The following KIZ variants were observed in gnomAD, a reference collection of about 807,000 sequenced individuals.
KIZ encodes the protein centrosomal protein kizuna.
A neutral mutation model predicts 79.6 loss-of-function variants in KIZ; 68 were observed. The observed-to-expected ratio is 0.85, with a 90% CI of 0.70 to 1.05. KIZ has a LOEUF of 1.05. Ranked by LOEUF, KIZ falls within the 50% of genes least tolerant of loss-of-function variation. The pLI, the probability that KIZ is intolerant of heterozygous loss-of-function variation, is 0.00. For synonymous variants in KIZ, 280 were observed against 281.8 expected, an observed-to-expected ratio of 0.99 and a Z score of 0.06; for missense variants, 797 against 800.4, an observed-to-expected ratio of 1.00 and a Z score of 0.05.
At chr20:21,179,167 G>A (rs1441763126) in intron 6 of KIZ, among the ~76,000 whole-genome samples, 1 of 149,514 alleles carries the variant, frequency 6.7e-6, no homozygotes, top group Non-Finnish European at 1.5e-5. Context: ...TAAATGTCTG[G>A]TAGAATTCAC....
chr20:21,189,474 C>T (rs2035023875), intron 6 of KIZ, among the ~76,000 whole-genome samples: 1 of 152,162 alleles, frequency 6.6e-6, no homozygotes, highest in African/African-American at 2.4e-5. Flanking sequence ...TGGGTTCTCT[C>T]TTTAAGGGTG....
rs181862557 is a variant in KIZ at position 21,215,812 on chromosome 20, T to C, written c.1678+164T>C. Among the ~76,000 whole-genome samples the C allele has an allele frequency of 2.0e-4, 31 of 152,326 alleles. No individual in the cohort carries two copies. In the East Asian group the frequency reaches 2.7e-3, roughly 13 times the overall value. On this transcript the variant is annotated intron_variant, in intron 9 of 12. Transcript: ENST00000619189. Reference sequence around the variant, plus strand: ...CCTAAGAGCAGAACATATATACTTATGTTAACATAAACTAAGGTGGAAAAT... The same window carrying C: ...CCTAAGAGCAGAACATATATACTTACGTTAACATAAACTAAGGTGGAAAAT...
At chr20:21,144,878 G>A (rs867896126) in intron 3 of KIZ, among the ~76,000 whole-genome samples, 2 of 152,162 alleles carry the variant, frequency 1.3e-5, no homozygotes, top group Middle Eastern at 3.4e-3. Context: ...TTAATTACTA[G>A]CGTACTGAAT....
Position 21,188,230 on chromosome 20 carries a change from C to G in KIZ, c.1353-17261C>G, listed in dbSNP as rs570883288. ...TTGTGAGTCGTAAGACTCCCCATTT[C>G]AGAAAGGGTCCTGCCCCATACCAGG... On this transcript the variant is annotated intron_variant, in intron 6 of 12. Coordinates refer to ENST00000619189, the MANE Select transcript of KIZ (RefSeq NM_018474.6). Among the ~76,000 whole-genome samples, 570 of 152,302 alleles carry G rather than the reference C, an allele frequency of 3.7e-3. 3 individuals carry two copies. The highest frequency in any genetic ancestry group is 0.013 in the African/African-American group (555 of 41,554).
At chr20:21,191,203 A>G (rs1242412600) in intron 6 of KIZ, among the ~76,000 whole-genome samples, 1 of 152,238 alleles carries the variant, frequency 6.6e-6, no homozygotes, top group Non-Finnish European at 1.5e-5. Flanking sequence ...TCTCATGCAT[A>G]GTGTTAGCCA....
chr20:21,169,550 A>T (rs2034109855), intron 6 of KIZ, among the ~76,000 whole-genome samples: 1 of 152,160 alleles, frequency 6.6e-6, no homozygotes, highest in African/African-American at 2.4e-5. Flanking sequence ...AACTAGAAAT[A>T]CCATTTGACC....
intron 6 of KIZ, chr20:21,166,220 C>G (rs1600430066): frequency 1.3e-6 from 2 of 1,530,876 alleles, no homozygotes; most frequent in East Asian, 2.3e-5. Flanking sequence ...AAAAAGAATT[C>G]CAGGATTTTC....
chr20:21,127,204 A>AT (rs202191983), intron 1 of KIZ, among the ~76,000 whole-genome samples: 5 of 152,140 alleles, frequency 3.3e-5, no homozygotes, highest in Admixed American at 1.3e-4. Flanking sequence ...TGTCGTTAGC[A>AT]TTTTTTTTAC....
chr20:21,130,900 C>A (rs1002962915), intron 1 of KIZ, among the ~76,000 whole-genome samples: 1 of 152,208 alleles, frequency 6.6e-6, no homozygotes, highest in Non-Finnish European at 1.5e-5. Flanking sequence ...ACAAATGGAG[C>A]ATGGGGCCAG....
chr20:21,143,255 A>G (rs2032668324), intron 3 of KIZ, among the ~76,000 whole-genome samples: 1 of 151,548 alleles, frequency 6.6e-6, no homozygotes, highest in South Asian at 2.1e-4. Flanking sequence ...GCAGATTTTA[A>G]ACGTCGATTC....
intron 6 of KIZ, among the ~76,000 whole-genome samples, chr20:21,167,558 G>A (rs1044520054): frequency 8.7e-6 from 1 of 114,838 alleles, no homozygotes. Flanking sequence ...TGTTTGTTTC[G>A]CTTTTTTTTT....
At chr20:21,193,604 C>A (rs2035206084) in intron 6 of KIZ, among the ~76,000 whole-genome samples, 1 of 151,752 alleles carries the variant, frequency 6.6e-6, no homozygotes, top group South Asian at 2.1e-4. Flanking sequence ...TAGAACCAAC[C>A]TAAATGTCCA....
In KIZ at chr20:21,163,123, C is replaced by G; in HGVS notation, c.1316C>G (p.Ser439Ter). 1.9e-6 allele frequency: 3 copies of G among 1,612,756 alleles called. No homozygotes were observed. Among genetic ancestry groups the G allele is most frequent in the Non-Finnish European group, 2.5e-6 (3 of 1,179,442 alleles). ...CILQTLSSPD[S>*]EKESSTNAPT... ...TTGCAAACCCTAAGCTCTCCTGATTCAGAAAAGGAATCCTCCACTAACGCA... is the reference window on the plus strand; with the variant it reads ...TTGCAAACCCTAAGCTCTCCTGATTGAGAAAAGGAATCCTCCACTAACGCA... The change falls in exon 6 of 13, where the codon TCA (serine) becomes TGA (stop). Residue 439 changes from serine (S) to a stop codon, truncating the protein, a stop_gained. Coordinates refer to ENST00000619189, the MANE Select transcript of KIZ (RefSeq NM_018474.6). LOFTEE classifies it high-confidence loss of function.
chr20:21,200,561 T>C (rs1246953488), intron 6 of KIZ, among the ~76,000 whole-genome samples: 2 of 151,854 alleles, frequency 1.3e-5, no homozygotes, highest in Non-Finnish European at 1.5e-5. Flanking sequence ...TAGATTCTCA[T>C]AAGGAACATG....
chr20:21,241,173 T>C (rs1193123466), intron 11 of KIZ, among the ~76,000 whole-genome samples: 1 of 152,240 alleles, frequency 6.6e-6, no homozygotes, highest in Non-Finnish European at 1.5e-5. Flanking sequence ...GTTGGCTCTA[T>C]CCAGCACACA....
At chr20:21,199,097 G>C (rs2035480606) in intron 6 of KIZ, among the ~76,000 whole-genome samples, 1 of 152,152 alleles carries the variant, frequency 6.6e-6, no homozygotes. Flanking sequence ...AAACTGAGTT[G>C]TTAAACTAAA....
chr20:21,170,421 C>G (rs1194328528), intron 6 of KIZ, among the ~76,000 whole-genome samples: 2 of 148,626 alleles, frequency 1.3e-5, no homozygotes, highest in African/African-American at 5.0e-5. Context: ...CGGAGTCTCT[C>G]TCTGTCGCCC....
At chr20:21,191,512 A>G (rs2035104543) in intron 6 of KIZ, among the ~76,000 whole-genome samples, 1 of 152,254 alleles carries the variant, frequency 6.6e-6, no homozygotes, top group African/African-American at 2.4e-5. Context: ...AGCCACAGCA[A>G]AGGCTTTGGT....
intron 6 of KIZ, among the ~76,000 whole-genome samples, chr20:21,180,708 G>A (rs984543103): frequency 4.6e-5 from 7 of 152,172 alleles, no homozygotes; most frequent in Non-Finnish European, 8.8e-5. Context: ...ACATAGGCAG[G>A]TTTCCAAGAA....
Sources: allele counts gnomAD v4.1 joint callset (sites outside exome capture counted in the v4.1 genomes callset), GRCh38; gene constraint gnomAD v4.1.1; transcripts MANE v1.5; gene names NCBI Gene and HGNC (gene_info 2026-07-23, HGNC 2026-07-21).